The following SAMD4A variants were observed in gnomAD, a reference collection of about 807,000 sequenced individuals.
The protein encoded by SAMD4A is sterile alpha motif domain containing 4A.
SAMD4A carries 33 observed loss-of-function variants against 81.3 expected under a neutral mutation model. The ratio of observed to expected loss-of-function variants is 0.41; its 90% CI spans 0.31 to 0.54. The LOEUF is 0.54. Among genes scored for constraint, SAMD4A ranks in the 20% least tolerant of loss-of-function variants. The pLI is 0.37. For synonymous variants in SAMD4A, 389 were observed against 382.1 expected (o/e 1.02, Z -0.21); for missense variants, 854 against 951.1 (o/e 0.90, Z 1.34).
intron 6 of SAMD4A, among the ~76,000 whole-genome samples, chr14:54,752,940 C>T (rs2038146033): frequency 6.6e-6 from 1 of 152,250 alleles, no homozygotes; most frequent in Admixed American, 6.5e-5. Context: ...TTATGTTTCT[C>T]TCCACCCAAA....
At chr14:54,626,846 G>A (rs1159990413) in intron 2 of SAMD4A, among the ~76,000 whole-genome samples, 1 of 152,148 alleles carries the variant, frequency 6.6e-6, no homozygotes, top group Non-Finnish European at 1.5e-5. Flanking sequence ...TCTCATAATT[G>A]AAGTCAGGGC....
chr14:54,742,487 C>T (rs1214260949), intron 4 of SAMD4A, among the ~76,000 whole-genome samples: 1 of 152,154 alleles, frequency 6.6e-6, no homozygotes, highest in East Asian at 1.9e-4. Context: ...TCCTCGCCTG[C>T]AGTTTCAGCA....
intron 2 of SAMD4A, among the ~76,000 whole-genome samples, chr14:54,573,198 A>G (rs1307209407): frequency 1.3e-5 from 2 of 152,184 alleles, no homozygotes; most frequent in Admixed American, 1.3e-4. Context: ...GTAGCAGGTC[A>G]CATATATTTG....
intron 2 of SAMD4A, among the ~76,000 whole-genome samples, chr14:54,572,131 C>T (rs2033146835): frequency 1.3e-5 from 2 of 152,186 alleles, no homozygotes; most frequent in Non-Finnish European, 2.9e-5. Context: ...GGTAACTTAA[C>T]TCTAGTCCAG....
intron 2 of SAMD4A, among the ~76,000 whole-genome samples, chr14:54,645,920 T>C (rs1449345652): frequency 6.6e-6 from 1 of 152,290 alleles, no homozygotes; most frequent in African/African-American, 2.4e-5. Context: ...GTGATTCTTT[T>C]GCTTCGCAAA....
chr14:54,613,697 G>T (rs961277003), intron 2 of SAMD4A, among the ~76,000 whole-genome samples: 1 of 152,118 alleles, frequency 6.6e-6, no homozygotes, highest in Admixed American at 6.5e-5. Context: ...ATTTCACCTT[G>T]TTCCTTAAGT....
rs138236603 is a variant in SAMD4A at position 54,709,972 on chromosome 14, T to G, written c.715+7392T>G. ...TTTCTGACCCTTGTCTGTTCTTCCC[T>G]GGTGGACCTGGACCTGGAAGAAATC... On this transcript the variant is annotated intron_variant, in intron 3 of 12. Coordinates refer to ENST00000554335, the MANE Select transcript of SAMD4A (RefSeq NM_015589.6). 5.1e-3 allele frequency among the ~76,000 whole-genome samples: 772 copies of G among 152,344 alleles called. 19 individuals carry two copies. Among genetic ancestry groups the G allele is most frequent in the Admixed American group, 0.038 (587 of 15,306 alleles).
At chr14:54,734,428 G>T (rs149468964) in intron 3 of SAMD4A, among the ~76,000 whole-genome samples, 9 of 152,314 alleles carry the variant, frequency 5.9e-5, no homozygotes, top group African/African-American at 2.2e-4. Flanking sequence ...GAGTGTATGA[G>T]CCCTTTATAG....
intron 2 of SAMD4A, among the ~76,000 whole-genome samples, chr14:54,664,208 C>T (rs572845125): frequency 5.9e-4 from 90 of 151,958 alleles, no homozygotes; most frequent in Non-Finnish European, 1.1e-3. Flanking sequence ...GAAAGAGAAC[C>T]TGAAAATCAT....
chr14:54,621,527 T>C (rs551728249), intron 2 of SAMD4A, among the ~76,000 whole-genome samples: 1 of 151,926 alleles, frequency 6.6e-6, no homozygotes, highest in African/African-American at 2.4e-5. Context: ...TTTTTTTTTT[T>C]TTTTTGGTAT....
rs181024685 is a variant in SAMD4A, at chr14:54,704,077, A to T, written c.715+1497A>T. On this transcript the variant is annotated intron_variant, in intron 3 of 12. Transcript: ENST00000554335. The stretch of plus-strand genomic sequence containing the variant: ...TATTGCTACAACATGGGATTTTTTT[A>T]AATTCTTTTTTCTGCTTTTCCATTT... Among the ~76,000 whole-genome samples, 308 of 152,326 alleles carry T rather than the reference A, an allele frequency of 2.0e-3. 2 individuals carry two copies. The highest frequency in any genetic ancestry group is 7.2e-3 in the African/African-American group (299 of 41,578).
chr14:54,790,701 T>A lies in SAMD4A; in HGVS notation c.*1757T>A, dbSNP rs1471075565. On this transcript the variant is annotated 3_prime_UTR_variant, in exon 13 of 13. Transcript: ENST00000554335. Reference sequence around the variant, plus strand: ...GTGTGTGTGTGTGTGTGTGTGTGTGTGTGTGTGAAGTCAGAGTTGAAATTC... The same window carrying A: ...GTGTGTGTGTGTGTGTGTGTGTGTGAGTGTGTGAAGTCAGAGTTGAAATTC... 1 of 151,224 alleles carries A rather than the reference T, an allele frequency of 6.6e-6. No homozygotes were observed. The highest frequency in any genetic ancestry group is 2.4e-5 in the African/African-American group (1 of 41,200). 9.4% of individuals were successfully genotyped at this position (151,224 alleles called of 1,614,324 possible).
chr14:54,766,616 C>T (rs1336848497), intron 8 of SAMD4A, among the ~76,000 whole-genome samples: 1 of 152,136 alleles, frequency 6.6e-6, no homozygotes, highest in Non-Finnish European at 1.5e-5. Flanking sequence ...GTCTGCAGGG[C>T]TCCGTGTTTT....
At chr14:54,577,890 A>G (rs1287262466) in intron 2 of SAMD4A, among the ~76,000 whole-genome samples, 2 of 152,224 alleles carry the variant, frequency 1.3e-5, no homozygotes, top group African/African-American at 4.8e-5. Flanking sequence ...TTCTCCGTCC[A>G]TGTAGAGGGC....
chr14:54,634,032 T>A (rs1400225408), intron 2 of SAMD4A, among the ~76,000 whole-genome samples: 2 of 152,066 alleles, frequency 1.3e-5, no homozygotes, highest in Non-Finnish European at 2.9e-5. Flanking sequence ...GTGCGGTGGC[T>A]CACGCCTGTA....
Position 54,760,257 on chromosome 14 carries a change from C to G in SAMD4A, c.1273C>G (p.Pro425Ala). The G allele has an allele frequency of 1.9e-6, 3 of 1,613,032 alleles. No homozygotes were observed. Among genetic ancestry groups the G allele is most frequent in the Non-Finnish European group, 1.7e-6 (2 of 1,179,874 alleles). Residue 425 changes from proline (P) to alanine (A), a missense_variant, in exon 7 of 13, where the codon CCC (proline) becomes GCC (alanine). Pro to Ala is a conservative substitution (Grantham distance 27). This residue lies in a region of SAMD4A where 428 missense variants were observed against 471.2 expected (regional missense o/e 0.91). Transcript: ENST00000554335. ...GGCCTACAGCTCCCCGAGCACCACCCCCGAGGCTCGCCGCCGGGAGCCCCA... is the reference window on the plus strand; with the variant it reads ...GGCCTACAGCTCCCCGAGCACCACCGCCGAGGCTCGCCGCCGGGAGCCCCA... ...IKAYSSPSTT[P>A]EARRREPQAP...
chr14:54,754,693 GA>G (rs34834851), intron 6 of SAMD4A: 8 of 256,992 alleles, frequency 3.1e-5, no homozygotes, highest in Non-Finnish European at 3.1e-5. Context: ...GATGCTGTTG[GA>G]AAAAAAGTCA....
chr14:54,695,953 GAAA>G (rs35817270), intron 2 of SAMD4A, among the ~76,000 whole-genome samples: 3 of 78,280 alleles, frequency 3.8e-5, no homozygotes, highest in African/African-American at 5.5e-5. Flanking sequence ...CTCCATCTCA[GAAA>G]AAAAAAAAAA....
In SAMD4A at chr14:54,574,950, G is replaced by A. The variant is rs143590389; in HGVS notation, c.196+6838G>A. 1.6e-4 allele frequency among the ~76,000 whole-genome samples: 24 copies of A among 152,220 alleles called. No homozygotes were observed. The East Asian group carries it at 3.9e-3, about 24-fold the overall frequency. On this transcript the variant is annotated intron_variant, in intron 2 of 12. Transcript: ENST00000554335. ...GGTGATGTTGATGCTGCGTATCTGC[G>A]GACCATACTTTGAGGGTAGACTGTT...
Sources: allele counts gnomAD v4.1 joint callset (sites outside exome capture counted in the v4.1 genomes callset), GRCh38; gene constraint gnomAD v4.1.1; regional missense constraint gnomAD v4.1.1; transcripts MANE v1.5; gene names NCBI Gene and HGNC (gene_info 2026-07-23, HGNC 2026-07-21).